The following GC variants were observed in gnomAD, a reference collection of about 807,000 sequenced individuals.
GC encodes the protein vitamin D-binding protein.
In GC, 43 loss-of-function variants were observed where a neutral mutation model predicts 56.7. The ratio of observed to expected loss-of-function variants is 0.76; its 90% CI spans 0.59 to 0.98. GC has a LOEUF of 0.98. GC is among the 50% of genes least tolerant of loss of function. GC has a pLI of 0.00. For missense variants in GC, 529 were observed against 545.9 expected (o/e 0.97, Z 0.31); for synonymous variants, 216 against 202.7 (o/e 1.07, Z -0.56).
At chr4:71,753,502 G>A in intron 10 of GC, among the ~76,000 whole-genome samples, 1 of 148,520 alleles carries the variant, frequency 6.7e-6, no homozygotes. Flanking sequence ...AAAAAAGAAA[G>A]TTGGGGGGAG....
intron 7 of GC, among the ~76,000 whole-genome samples, chr4:71,757,635 C>T (rs1324813332): frequency 6.6e-6 from 1 of 152,048 alleles, no homozygotes; most frequent in Non-Finnish European, 1.5e-5. Flanking sequence ...TATCCAATAC[C>T]ATTGTGCATT....
intron 1 of GC, among the ~76,000 whole-genome samples, chr4:71,801,455 C>T (rs1429837990): frequency 6.6e-6 from 1 of 152,148 alleles, no homozygotes; most frequent in Non-Finnish European, 1.5e-5. Context: ...GACCATTGTG[C>T]TATGCTTGGA....
At chr4:71,778,010 T>G (rs749136567) in intron 1 of GC, among the ~76,000 whole-genome samples, 2 of 151,566 alleles carry the variant, frequency 1.3e-5, no homozygotes, top group Admixed American at 6.6e-5. Context: ...GTTCTGCACA[T>G]GTATTCCAGA....
At chr4:71,744,159 T>C (rs1741274618) in intron 12 of GC, among the ~76,000 whole-genome samples, 1 of 151,814 alleles carries the variant, frequency 6.6e-6, no homozygotes, top group African/African-American at 2.4e-5. Flanking sequence ...AAAATACTTC[T>C]GGGCCAGGCA....
chr4:71,764,925 C>A (rs3775152), intron 4 of GC, among the ~76,000 whole-genome samples: 15,660 of 152,068 alleles, frequency 0.1, 2,269 homozygotes, highest in African/African-American at 0.32. Context: ...CATGTTAAAC[C>A]ATAAAAATTT....
intron 10 of GC, 32 bp from the exon 11 acceptor site, chr4:71,752,682 A>G (rs1741597288): frequency 6.3e-7 from 1 of 1,576,506 alleles, no homozygotes. Context: ...AGGTCTTACT[A>G]CATGTATTTA....
intron 8 of GC, among the ~76,000 whole-genome samples, chr4:71,755,962 C>T (rs6446761): frequency 0.17 from 26,076 of 152,122 alleles, 3,902 homozygotes; most frequent in African/African-American, 0.41. Context: ...TATTTTTATG[C>T]CATCATTATG....
chr4:71,781,511 A>T (rs926862043), intron 1 of GC, among the ~76,000 whole-genome samples: 2 of 151,870 alleles, frequency 1.3e-5, no homozygotes, highest in African/African-American at 4.8e-5. Flanking sequence ...GTTTAATTTT[A>T]AAAAATCAAT....
intron 1 of GC, among the ~76,000 whole-genome samples, chr4:71,771,444 A>G (rs1422301490): frequency 1.3e-5 from 2 of 151,570 alleles, no homozygotes; most frequent in Non-Finnish European, 2.9e-5. Flanking sequence ...TTGGATGGAT[A>G]CCCCCCCAAA....
intron 1 of GC, among the ~76,000 whole-genome samples, chr4:71,774,466 T>C (rs1009770530): frequency 1.7e-4 from 26 of 151,688 alleles, no homozygotes; most frequent in African/African-American, 5.8e-4. Flanking sequence ...GTGGGTTGGT[T>C]ACCTCCTCAT....
At chr4:71,800,775 G>T (rs1045212992) in intron 1 of GC, among the ~76,000 whole-genome samples, 1 of 152,118 alleles carries the variant, frequency 6.6e-6, no homozygotes, top group Admixed American at 6.5e-5. Context: ...ATTGCCATCC[G>T]ACTGGCATGT....
intron 1 of GC, among the ~76,000 whole-genome samples, chr4:71,799,155 T>G (rs1013836922): frequency 1.3e-5 from 2 of 152,190 alleles, no homozygotes; most frequent in Non-Finnish European, 2.9e-5. Flanking sequence ...TTCAAGTCTC[T>G]GGAAGTGGTT....
intron 6 of GC, among the ~76,000 whole-genome samples, chr4:71,758,641 G>T (rs1171673545): frequency 1.3e-5 from 2 of 152,086 alleles, no homozygotes; most frequent in Non-Finnish European, 2.9e-5. Flanking sequence ...AGTATTTTAT[G>T]TGTGAATGGT....
Position 71,764,504 on chromosome 4 carries a change from A to G in GC, c.474-568T>C, listed in dbSNP as rs530880144. On this transcript the variant is annotated intron_variant, in intron 4 of 12. Transcript: ENST00000273951. ...CCCTTTATTCACTTAATGTCTGGTC[A>G]GGTGCATCACCCATGGTATCTGCTT... Among the ~76,000 whole-genome samples the G allele has an allele frequency of 1.3e-3, 191 of 152,318 alleles. 2 individuals are homozygous for G. Among genetic ancestry groups the G allele is most frequent in the African/African-American group, 4.3e-3 (177 of 41,562 alleles).
chr4:71,756,970 A>T, intron 7 of GC, 56 bp from the exon 8 acceptor site: 1 of 1,184,988 alleles, frequency 8.4e-7, no homozygotes, highest in Non-Finnish European at 1.3e-6. Flanking sequence ...TCTAATTAAA[A>T]ATAAGAATTA....
chr4:71,784,211 T>G (rs1038132389), upstream of GC: 9 of 1,273,246 alleles, frequency 7.1e-6, no homozygotes, highest in South Asian at 2.9e-5. Context: ...CCAAAAGAGA[T>G]AAAATAATAT....
At chr4:71,778,202 A>G (rs1742570153) in intron 1 of GC, among the ~76,000 whole-genome samples, 1 of 151,996 alleles carries the variant, frequency 6.6e-6, no homozygotes, top group South Asian at 2.1e-4. Context: ...TCTAAGATGA[A>G]AAACACAATT....
chr4:71,763,684 T>A (rs570212947), intron 5 of GC, 120 bp downstream of exon 5: 1 of 862,120 alleles, frequency 1.2e-6, no homozygotes, highest in East Asian at 2.4e-5. Context: ...ATTAAGAAGA[T>A]GCAAGGGTGG....
At chr4:71,802,525 G>A (rs1419328121) in intron 1 of GC, among the ~76,000 whole-genome samples, 1 of 152,148 alleles carries the variant, frequency 6.6e-6, no homozygotes, top group Non-Finnish European at 1.5e-5. Flanking sequence ...AAATGGGGCT[G>A]CATGCCCATA....
Sources: gnomAD v4.1 joint callset for allele counts (sites outside exome capture counted in the v4.1 genomes callset) on GRCh38, gnomAD v4.1.1 for gene constraint, MANE v1.5 for transcripts, NCBI Gene and HGNC (gene_info 2026-07-23, HGNC 2026-07-21) for gene names.